The following CNTN4 variants were observed in gnomAD, a reference collection of about 807,000 sequenced individuals.
The protein encoded by CNTN4 is contactin-4.
Under a neutral mutation model 122.5 loss-of-function variants are expected in CNTN4, and 77 were observed. The ratio of observed to expected loss-of-function variants is 0.63; its 90% confidence interval spans 0.52 to 0.76. The LOEUF (loss-of-function observed/expected upper bound fraction) is 0.76. Among genes scored for constraint, CNTN4 ranks in the 30% least tolerant of loss-of-function variants. CNTN4 has a pLI of 0.00. For synonymous variants in CNTN4, 512 were observed against 447.0 expected (o/e 1.15, Z -1.83); for missense variants, 1,256 against 1,259.1 (o/e 1.00, Z 0.04).
chr3:2,565,086 T>C (rs1035956770), intron 3 of CNTN4, among the ~76,000 whole-genome samples: 5 of 152,242 alleles, frequency 3.3e-5, no homozygotes, highest in African/African-American at 1.2e-4. Flanking sequence ...TGTGGTATTA[T>C]GATATTATGA....
chr3:2,327,684 T>C (rs750672738), intron 2 of CNTN4, among the ~76,000 whole-genome samples: 1 of 152,220 alleles, frequency 6.6e-6, no homozygotes, highest in South Asian at 2.1e-4. Context: ...ACACATTCTT[T>C]AGTGCAGTGG....
chr3:2,743,548 T>C (rs1232707739), intron 5 of CNTN4, among the ~76,000 whole-genome samples: 1 of 152,174 alleles, frequency 6.6e-6, no homozygotes, highest in East Asian at 1.9e-4. Context: ...TGAATAAACA[T>C]GTGTTGCTAT....
intron 14 of CNTN4, among the ~76,000 whole-genome samples, chr3:2,995,976 G>T (rs1297382052): frequency 6.6e-6 from 1 of 152,030 alleles, no homozygotes; most frequent in Non-Finnish European, 1.5e-5. Flanking sequence ...GGAAATTAAA[G>T]AATAATACAT....
intron 12 of CNTN4, among the ~76,000 whole-genome samples, chr3:2,916,069 T>A (rs1376107895): frequency 7.2e-5 from 11 of 152,208 alleles, no homozygotes; most frequent in Non-Finnish European, 4.4e-5. Flanking sequence ...CAACATTTAG[T>A]GTTGCAAAAC....
chr3:2,427,658 T>C (rs2047893058), intron 3 of CNTN4, among the ~76,000 whole-genome samples: 1 of 152,040 alleles, frequency 6.6e-6, no homozygotes, highest in African/African-American at 2.4e-5. Flanking sequence ...ATCTGTCTAA[T>C]ATTGACAGTG....
At chr3:3,026,454 G>A (rs1408309289) in intron 15 of CNTN4, among the ~76,000 whole-genome samples, 177 bp downstream of exon 15, 1 of 152,048 alleles carries the variant, frequency 6.6e-6, no homozygotes, top group Non-Finnish European at 1.5e-5. Context: ...AACTCTATAT[G>A]GCAGGACTGC....
chr3:2,600,105 A>T (rs1043767102), intron 4 of CNTN4, among the ~76,000 whole-genome samples: 65 of 109,430 alleles, frequency 5.9e-4, no homozygotes, highest in African/African-American at 2.3e-3. Flanking sequence ...GTATTTTTTT[A>T]AATTTAGTCC....
At chr3:2,843,817 A>G (rs1265277036) in intron 7 of CNTN4, among the ~76,000 whole-genome samples, 1 of 152,138 alleles carries the variant, frequency 6.6e-6, no homozygotes, top group Non-Finnish European at 1.5e-5. Flanking sequence ...TTTCTTATAA[A>G]TTACTCAGTC....
chr3:2,359,999 G>A (rs751667684), intron 3 of CNTN4, among the ~76,000 whole-genome samples: 11 of 152,118 alleles, frequency 7.2e-5, no homozygotes, highest in Admixed American at 5.2e-4. Flanking sequence ...CAGATTATTC[G>A]TCTTAATCTA....
intron 4 of CNTN4, among the ~76,000 whole-genome samples, chr3:2,668,567 A>G (rs1376077943): frequency 6.6e-6 from 1 of 152,072 alleles, no homozygotes; most frequent in African/African-American, 2.4e-5. Context: ...CTCTTTTCCT[A>G]ATTGAATACC....
intron 13 of CNTN4, among the ~76,000 whole-genome samples, chr3:2,952,305 G>A (rs1029809229): frequency 3.3e-5 from 5 of 152,186 alleles, no homozygotes; most frequent in Non-Finnish European, 7.3e-5. Context: ...GGTAACTACA[G>A]TACCATAAAA....
intron 13 of CNTN4, among the ~76,000 whole-genome samples, chr3:2,981,955 A>G (rs344391): frequency 0.28 from 43,196 of 151,872 alleles, 6,201 homozygotes; most frequent in African/African-American, 0.32. Flanking sequence ...AGAGAATCGC[A>G]TGTACCCAGG....
At chr3:2,444,101 A>G (rs2048532481) in intron 3 of CNTN4, among the ~76,000 whole-genome samples, 1 of 151,898 alleles carries the variant, frequency 6.6e-6, no homozygotes, top group African/African-American at 2.4e-5. Flanking sequence ...TGTTCTTTTT[A>G]AGGCTTTTCA....
chr3:2,966,083 C>T (rs933934513), intron 13 of CNTN4, among the ~76,000 whole-genome samples: 1 of 151,924 alleles, frequency 6.6e-6, no homozygotes, highest in South Asian at 2.1e-4. Flanking sequence ...TGAGACACTA[C>T]CATAGGTAGT....
At chr3:2,847,855 C>T (rs2150596866) in intron 7 of CNTN4, among the ~76,000 whole-genome samples, 1 of 152,274 alleles carries the variant, frequency 6.6e-6, no homozygotes, top group South Asian at 2.1e-4. Flanking sequence ...TCTTCCCTGC[C>T]CACATGCTCT....
chr3:2,440,401 T>C (rs145395656), intron 3 of CNTN4, among the ~76,000 whole-genome samples: 297 of 152,316 alleles, frequency 1.9e-3, no homozygotes, highest in African/African-American at 6.6e-3. Context: ...AATGAAATTT[T>C]GTGTTGTCAT....
intron 4 of CNTN4, among the ~76,000 whole-genome samples, chr3:2,585,313 A>G (rs1482388107): frequency 1.3e-5 from 2 of 151,400 alleles, no homozygotes; most frequent in South Asian, 2.2e-4. Context: ...TAGAAATACC[A>G]TTTGACCCAG....
intron 3 of CNTN4, among the ~76,000 whole-genome samples, chr3:2,377,617 C>A (rs1304539077): frequency 6.6e-6 from 1 of 152,186 alleles, no homozygotes; most frequent in Admixed American, 6.5e-5. Context: ...GAAGCTGAGA[C>A]AGTAAAACTG....
intron 2 of CNTN4, among the ~76,000 whole-genome samples, chr3:2,224,973 A>T (rs1183059208): frequency 1.3e-5 from 2 of 150,686 alleles, no homozygotes; most frequent in African/African-American, 4.9e-5. Context: ...ACTTGGTGAA[A>T]CCCCGTCTCT....
Sources: gnomAD v4.1 joint callset for allele counts (sites outside exome capture counted in the v4.1 genomes callset) on GRCh38, gnomAD v4.1.1 for gene constraint, MANE v1.5 for transcripts, NCBI Gene and HGNC (gene_info 2026-07-23, HGNC 2026-07-21) for gene names.